The following LCMT1 variants were observed in gnomAD, a reference collection of about 807,000 sequenced individuals.
LCMT1 encodes [Phosphatase 2A protein]-leucine-carboxy methyltransferase 1.
A neutral mutation model predicts 47.7 loss-of-function variants in LCMT1; 32 were observed. The ratio of observed to expected loss-of-function variants is 0.67; its 90% CI spans 0.51 to 0.90. LCMT1 has a LOEUF of 0.90. Among genes scored for constraint, LCMT1 ranks in the 40% least tolerant of loss-of-function variants. LCMT1 has a pLI of 0.00. For synonymous variants in LCMT1, 152 were observed against 149.7 expected (o/e 1.02, Z -0.11); for missense variants, 375 against 415.2 (o/e 0.90, Z 0.84).
intron 3 of LCMT1, among the ~76,000 whole-genome samples, chr16:25,134,215 G>A (rs1454833040): frequency 1.3e-5 from 2 of 152,132 alleles, no homozygotes; most frequent in Non-Finnish European, 2.9e-5. Flanking sequence ...CAGTTCACCT[G>A]ATATGAAGGT....
At chr16:25,117,838 A>G (rs1407182741) in intron 1 of LCMT1, among the ~76,000 whole-genome samples, 1 of 150,836 alleles carries the variant, frequency 6.6e-6, no homozygotes, top group Non-Finnish European at 1.5e-5. Context: ...GGCGACAGAG[A>G]GAGACTCCGT....
intron 5 of LCMT1, among the ~76,000 whole-genome samples, chr16:25,154,414 A>G (rs1400050224): frequency 6.9e-6 from 1 of 144,458 alleles, no homozygotes; most frequent in Non-Finnish European, 1.5e-5. Flanking sequence ...AAATTTTTTT[A>G]TTTCCTTTTT....
At chr16:25,157,372 G>T (rs1167293437) in intron 5 of LCMT1, among the ~76,000 whole-genome samples, 1 of 151,396 alleles carries the variant, frequency 6.6e-6, no homozygotes, top group East Asian at 1.9e-4. Context: ...AAGGAGACCC[G>T]CCCACCCCCC....
chr16:25,126,211 A>G lies in LCMT1; in HGVS notation c.114-2264A>G, dbSNP rs1414853289. On this transcript the variant is annotated intron_variant, in intron 1 of 10. Transcript: ENST00000399069. ...GCATTATGGACCCGTGCATCTCACC[A>G]CTCTCTACCACTGTGCACCACTGTG... The G allele has an allele frequency of 1.2e-5, 14 of 1,201,132 alleles. No individual in the cohort carries two copies. The South Asian group carries it at 1.3e-4, about 11-fold the overall frequency. The allele number at this position is 1,201,132 out of a possible 1,614,324, so 74.4% of individuals were successfully genotyped here. A position where few individuals can be genotyped will look rare whatever the true frequency, so the allele number is the denominator to read the frequency against.
intron 3 of LCMT1, among the ~76,000 whole-genome samples, chr16:25,133,099 G>A (rs548014519): frequency 1.3e-5 from 2 of 151,744 alleles, no homozygotes; most frequent in African/African-American, 4.8e-5. Context: ...GGCCTCAAGC[G>A]ATCCTCCTGC....
intron 1 of LCMT1, among the ~76,000 whole-genome samples, chr16:25,120,890 A>G (rs1959963333): frequency 6.8e-6 from 1 of 147,134 alleles, no homozygotes; most frequent in Non-Finnish European, 1.5e-5. Flanking sequence ...CTGGGACTGT[A>G]GGAGTGCATC....
At chr16:25,128,371 G>T in intron 1 of LCMT1, 104 bp from the exon 2 acceptor site, 1 of 770,266 alleles carries the variant, frequency 1.3e-6, no homozygotes, top group African/African-American at 1.8e-5. Context: ...TGGATGGTTG[G>T]TTTTCGTCGA....
chr16:25,142,326 C>T (rs1960718691), intron 4 of LCMT1: 2 of 152,208 alleles, frequency 1.3e-5, no homozygotes, highest in Admixed American at 1.3e-4. Flanking sequence ...AGTAGGCAGT[C>T]CAACTTCTCT....
chr16:25,115,371 G>A (rs892679514), intron 1 of LCMT1, among the ~76,000 whole-genome samples: 13 of 152,102 alleles, frequency 8.5e-5, no homozygotes, highest in African/African-American at 3.1e-4. Flanking sequence ...CAAAATGCTG[G>A]TTTAACCAAA....
At chr16:25,136,652 C>T (rs1285840763) in intron 3 of LCMT1, among the ~76,000 whole-genome samples, 1 of 151,972 alleles carries the variant, frequency 6.6e-6, no homozygotes, top group Non-Finnish European at 1.5e-5. Flanking sequence ...AAGGTTCAAG[C>T]GATTCTCCTG....
chr16:25,114,708 A>G (rs972193695), intron 1 of LCMT1, among the ~76,000 whole-genome samples: 1 of 151,636 alleles, frequency 6.6e-6, no homozygotes. Context: ...CTTTGCCTTC[A>G]CCCTGACCTT....
At chr16:25,153,975 CA>C (rs1198872165) in intron 5 of LCMT1, among the ~76,000 whole-genome samples, 1 of 152,058 alleles carries the variant, frequency 6.6e-6, no homozygotes, top group Non-Finnish European at 1.5e-5. Context: ...AAATTTCTAC[CA>C]GTCTGGTAGG....
At chr16:25,171,687 G>A (rs530903468) in intron 9 of LCMT1, among the ~76,000 whole-genome samples, 14 of 152,176 alleles carry the variant, frequency 9.2e-5, no homozygotes, top group African/African-American at 3.4e-4. Context: ...AGGGGCTGGC[G>A]GGTTTTTAAA....
intron 5 of LCMT1, 80 bp downstream of exon 5, chr16:25,151,695 G>GA: frequency 1.2e-6 from 1 of 868,074 alleles, no homozygotes; most frequent in Admixed American, 2.4e-5. Context: ...GGTTTGTGTT[G>GA]GGTGTGTGTG....
chr16:25,132,089 C>T, intron 2 of LCMT1: 1 of 438,348 alleles, frequency 2.3e-6, no homozygotes, highest in Non-Finnish European at 4.5e-6. Flanking sequence ...CCATGAAAGG[C>T]ACATTTCCAA....
At chr16:25,123,996 C>T (rs1399842557) in intron 1 of LCMT1, among the ~76,000 whole-genome samples, 1 of 152,142 alleles carries the variant, frequency 6.6e-6, no homozygotes, top group Non-Finnish European at 1.5e-5. Context: ...GTTCCCACAA[C>T]TTGTTTCGCA....
rs1296153715 is a variant in LCMT1 at position 25,174,938 on chromosome 16, A to G, written c.886A>G (p.Ile296Val). 1 of 1,574,836 alleles carries G rather than the reference A, an allele frequency of 6.3e-7. No homozygotes were observed. Residue 296 changes from isoleucine to valine, a missense_variant and splice_region_variant, in exon 10 of 11, where the codon ATA becomes GTA. By Grantham distance (29) the Ile-to-Val change is conservative. Transcript: ENST00000399069. The part of the protein sequence containing the change: ...NRLPRAEVSR[I>V]ESLEFLDEME... ...GTTCTATTTTAATTCTTTCCACAGG[A>G]TAGAATCACTTGAATTCCTGGATGA...
At chr16:25,169,334 T>C (rs1055276566) in intron 8 of LCMT1, 121 bp downstream of exon 8, 4 of 662,026 alleles carry the variant, frequency 6.0e-6, no homozygotes, top group Non-Finnish European at 1.1e-5. Context: ...CAGCACAGGC[T>C]GCTGAGCCTC....
intron 1 of LCMT1, among the ~76,000 whole-genome samples, chr16:25,125,610 G>A (rs1278687775): frequency 3.3e-5 from 5 of 151,916 alleles, no homozygotes; most frequent in East Asian, 1.9e-4. Flanking sequence ...TGAGGCGGGC[G>A]GATCACGACA....
Sources: allele counts gnomAD v4.1 joint callset (sites outside exome capture counted in the v4.1 genomes callset), GRCh38; gene constraint gnomAD v4.1.1; transcripts MANE v1.5; gene names NCBI Gene and HGNC (gene_info 2026-07-23, HGNC 2026-07-21).